DOCK8: variants seen among roughly 807,000 people sequenced by gnomAD.
DOCK8 encodes the protein dedicator of cytokinesis 8, also known as dedicator of cytokinesis protein 8.
In DOCK8, 141 loss-of-function variants were observed where a neutral mutation model predicts 245.6. The observed-to-expected ratio is 0.57, with a 90% confidence interval of 0.50 to 0.66. DOCK8 has a LOEUF of 0.66. DOCK8 is among the 30% of genes least tolerant of loss of function. The pLI is 0.00. For synonymous variants in DOCK8, 1,168 were observed against 970.2 expected (o/e 1.20, Z -3.79); for missense variants, 2,965 against 2,603.4 (o/e 1.14, Z -3.02).
intron 1 of DOCK8, among the ~76,000 whole-genome samples, chr9:255,569 A>G (rs967434764): frequency 6.7e-6 from 1 of 150,290 alleles, no homozygotes. Flanking sequence ...TCGAGAGGCT[A>G]AGGCAGTATT....
intron 4 of DOCK8, among the ~76,000 whole-genome samples, chr9:304,258 A>T (rs1311683432): frequency 6.6e-6 from 1 of 152,216 alleles, no homozygotes. Context: ...TATTCCAGCC[A>T]CTTACACTAG....
At chr9:235,600 A>G (rs1036862849) in intron 1 of DOCK8, among the ~76,000 whole-genome samples, 6 of 152,146 alleles carry the variant, frequency 3.9e-5, no homozygotes, top group Non-Finnish European at 7.4e-5. Flanking sequence ...TAACTCGGCA[A>G]TGGTGGGCAC....
Position 339,094 on chromosome 9 carries a change from T to C in DOCK8, c.1511T>C (p.Ile504Thr), listed in dbSNP as rs764225384. The change falls in exon 13 of 48, where the codon ATT (isoleucine) becomes ACT (threonine). Residue 504 changes from isoleucine (I) to threonine (T), a missense_variant. Coordinates refer to ENST00000432829, the MANE Select transcript of DOCK8 (RefSeq NM_203447.4). Reference protein sequence around the residue: ...SSSLQRRVKSIPGLLRLEIST... With the variant: ...SSSLQRRVKSTPGLLRLEIST... ...TCCTTACAGAGACGAGTCAAGTCAA[T>C]TCCAGGTGTGAATGACTTATCTTTA... is the stretch of plus-strand genomic sequence containing the variant. 2.5e-6 allele frequency: 4 copies of C among 1,613,868 alleles called. No homozygotes were observed. In the South Asian group the frequency reaches 4.4e-5, roughly 18 times the overall value.
intron 28 of DOCK8, among the ~76,000 whole-genome samples, chr9:410,393 C>G (rs2055666583): frequency 6.6e-6 from 1 of 152,048 alleles, no homozygotes; most frequent in South Asian, 2.1e-4. Context: ...TGTCAGTATT[C>G]ATTTTTTTTC....
chr9:233,825 C>T (rs891152980), intron 1 of DOCK8, among the ~76,000 whole-genome samples: 6 of 151,994 alleles, frequency 3.9e-5, no homozygotes, highest in African/African-American at 1.5e-4. Flanking sequence ...GAATACAGCA[C>T]ACTGATGGGT....
intron 22 of DOCK8, among the ~76,000 whole-genome samples, chr9:385,703 A>G (rs1462040739): frequency 3.3e-5 from 5 of 152,232 alleles, no homozygotes; most frequent in Non-Finnish European, 7.3e-5. Flanking sequence ...AACATTTGCC[A>G]GCACAACACA....
chr9:281,958 G>T (rs1304239959), intron 2 of DOCK8, among the ~76,000 whole-genome samples: 1 of 152,212 alleles, frequency 6.6e-6, no homozygotes, highest in Non-Finnish European at 1.5e-5. Context: ...CAGTAATGCT[G>T]TCATTGCTGT....
At chr9:403,958 ATGTATATATATATATATG>A (rs1248881807) in intron 26 of DOCK8, among the ~76,000 whole-genome samples, 9 of 75,634 alleles carry the variant, frequency 1.2e-4, no homozygotes, top group Non-Finnish European at 2.0e-4. Flanking sequence ...ATATATATAT[ATGTATATATATATATATG>A]TGTATATATA....
chr9:422,514 T>G (rs1032698125), intron 33 of DOCK8, among the ~76,000 whole-genome samples: 11 of 152,180 alleles, frequency 7.2e-5, no homozygotes, highest in African/African-American at 2.7e-4. Context: ...AGATATACAT[T>G]CAGATATATT....
At chr9:299,753 G>A (rs191840004) in intron 4 of DOCK8, among the ~76,000 whole-genome samples, 82 of 151,810 alleles carry the variant, frequency 5.4e-4, no homozygotes, top group Non-Finnish European at 1.0e-3. Flanking sequence ...CGGGCGCGGT[G>A]GCACACATCT....
At chr9:403,149 G>A (rs1376589727) in intron 26 of DOCK8, among the ~76,000 whole-genome samples, 7 of 152,090 alleles carry the variant, frequency 4.6e-5, no homozygotes, top group African/African-American at 1.7e-4. Flanking sequence ...TCTGCCTCCC[G>A]AAGTGCTGGG....
At chr9:213,114 T>G (rs558728828), upstream of DOCK8, 16 of 152,292 alleles carry the variant, frequency 1.1e-4, no homozygotes, top group African/African-American at 3.8e-4. Context: ...ACTCTAAATT[T>G]CAAAAAAGCT....
rs562901132 is a variant in DOCK8 at position 340,787 on chromosome 9, C to T, written c.1679+466C>T. 7.9e-5 allele frequency among the ~76,000 whole-genome samples: 12 copies of T among 152,244 alleles called. No individual in the cohort carries two copies. In the East Asian group the frequency reaches 2.3e-3, roughly 29 times the overall value. ...GTAACCGTAGGTGATTGCCAAATCTCTTTCTAAACATAGTTTACCTAATTC... is the reference window on the plus strand; with the variant it reads ...GTAACCGTAGGTGATTGCCAAATCTTTTTCTAAACATAGTTTACCTAATTC... On this transcript the variant is annotated intron_variant, in intron 14 of 47. Transcript: ENST00000432829.
At chr9:297,999 A>C (rs1350919482) in intron 4 of DOCK8, among the ~76,000 whole-genome samples, 1 of 152,236 alleles carries the variant, frequency 6.6e-6, no homozygotes, top group Non-Finnish European at 1.5e-5. Context: ...GGTCCATGTG[A>C]AAAACTCCCA....
chr9:327,597 A>G (rs886736910), intron 8 of DOCK8, among the ~76,000 whole-genome samples: 1 of 151,858 alleles, frequency 6.6e-6, no homozygotes, highest in Non-Finnish European at 1.5e-5. Context: ...GGGTTTCACC[A>G]TGTTGCCCAG....
chr9:285,465 C>G (rs932080253), intron 2 of DOCK8, among the ~76,000 whole-genome samples: 1 of 152,062 alleles, frequency 6.6e-6, no homozygotes, highest in Non-Finnish European at 1.5e-5. Context: ...AGTAACTTCC[C>G]CACCACCCCC....
chr9:414,386 A>C (rs1204919186), intron 28 of DOCK8, among the ~76,000 whole-genome samples: 1 of 152,242 alleles, frequency 6.6e-6, no homozygotes, highest in African/African-American at 2.4e-5. Flanking sequence ...ACTTAAAAAC[A>C]TCATGCTAAA....
chr9:464,332 C>A lies in DOCK8; in HGVS notation c.*113C>A. On this transcript the variant is annotated 3_prime_UTR_variant, in exon 48 of 48. Transcript: ENST00000432829. ...CAGGACTGACTGTACACTCCCTGAT[C>A]AGCCAGCACTCTGGAAGCTTTGGGA... is the stretch of plus-strand genomic sequence containing the variant. The A allele has an allele frequency of 4.5e-6, 4 of 898,264 alleles. No homozygotes were observed. The highest frequency in any genetic ancestry group is 5.6e-6 in the Non-Finnish European group (3 of 532,636). The allele number at this position is 898,264 out of a possible 1,614,324, so 55.6% of individuals were successfully genotyped here.
intron 1 of DOCK8, among the ~76,000 whole-genome samples, chr9:265,670 T>C (rs551985532): frequency 6.6e-6 from 1 of 152,254 alleles, no homozygotes; most frequent in Non-Finnish European, 1.5e-5. Context: ...CTGCCGGCCA[T>C]ACCAGCAGAT....
Sources: gnomAD v4.1 joint callset for allele counts (sites outside exome capture counted in the v4.1 genomes callset) on GRCh38, gnomAD v4.1.1 for gene constraint, MANE v1.5 for transcripts, NCBI Gene and HGNC (gene_info 2026-07-23, HGNC 2026-07-21) for gene names.